The following RAD51B variants were observed in gnomAD, a reference collection of about 807,000 sequenced individuals.
RAD51B encodes the protein RAD51 paralog B, also known as DNA repair protein RAD51 homolog 2.
Under a neutral mutation model 42.2 loss-of-function variants are expected in RAD51B, and 38 were observed. That is an observed-to-expected ratio of 0.90 (90% CI 0.70 to 1.18). RAD51B has a LOEUF of 1.18. Ranked by LOEUF, RAD51B falls within the 50% of genes most tolerant of loss-of-function variation. RAD51B has a pLI of 0.00. For missense variants in RAD51B, 373 were observed against 400.7 expected (o/e 0.93, Z 0.59); for synonymous variants, 154 against 145.2 (o/e 1.06, Z -0.43).
rs1020938152 is a variant in RAD51B at position 68,096,835 on chromosome 14, G to A, written c.757-195049G>A. On this transcript the variant is annotated intron_variant, in intron 7 of 10. Transcript: ENST00000471583. ...GTGTGTGTGTGCCAGTCTTACTCCT[G>A]GCATTATTTTCTTATCTATGTTCCT... Among the ~76,000 whole-genome samples the A allele has an allele frequency of 5.3e-5, 8 of 152,000 alleles. No homozygotes were observed. In the South Asian group the frequency reaches 1.5e-3, roughly 28 times the overall value.
At chr14:68,393,381 G>A (rs2083816309) in intron 8 of RAD51B, among the ~76,000 whole-genome samples, 1 of 152,138 alleles carries the variant, frequency 6.6e-6, no homozygotes, top group Admixed American at 6.5e-5. Context: ...AGTTTCAATT[G>A]GGATGTCAAA....
intron 7 of RAD51B, among the ~76,000 whole-genome samples, chr14:68,231,664 G>C (rs1458696447): frequency 2.0e-5 from 3 of 152,162 alleles, no homozygotes; most frequent in Non-Finnish European, 4.4e-5. Context: ...AGGTTTACAT[G>C]TATATATTTG....
intron 8 of RAD51B, among the ~76,000 whole-genome samples, chr14:68,315,568 C>A (rs1314073686): frequency 6.6e-6 from 1 of 152,138 alleles, no homozygotes; most frequent in East Asian, 1.9e-4. Context: ...ATCACCCAGG[C>A]TGGAGTGCAG....
At chr14:68,216,011 C>T (rs554666543) in intron 7 of RAD51B, among the ~76,000 whole-genome samples, 1 of 152,202 alleles carries the variant, frequency 6.6e-6, no homozygotes, top group East Asian at 1.9e-4. Context: ...GGGTTTATGC[C>T]AGGTACACCT....
At chr14:67,925,280 T>C (rs1390384468) in intron 7 of RAD51B, among the ~76,000 whole-genome samples, 1 of 124,086 alleles carries the variant, frequency 8.1e-6, no homozygotes, top group African/African-American at 4.9e-5. Flanking sequence ...ACCATTCTTC[T>C]TTTTTTTTTG....
chr14:67,896,689 A>G (rs1428753116), intron 7 of RAD51B, among the ~76,000 whole-genome samples: 1 of 152,218 alleles, frequency 6.6e-6, no homozygotes, highest in Non-Finnish European at 1.5e-5. Context: ...GTTTGGTCAA[A>G]GGATATTTTC....
intron 8 of RAD51B, among the ~76,000 whole-genome samples, chr14:68,369,461 C>T (rs2083207994): frequency 6.6e-6 from 1 of 152,190 alleles, no homozygotes; most frequent in African/African-American, 2.4e-5. Context: ...GCTGTGTCCT[C>T]TAAGGTTCTT....
intron 1 of RAD51B, among the ~76,000 whole-genome samples, chr14:67,823,236 T>C (rs1201000726): frequency 6.6e-6 from 1 of 152,232 alleles, no homozygotes; most frequent in African/African-American, 2.4e-5. Context: ...TAAGATGCTC[T>C]ACAAATGTGA....
chr14:68,008,623 A>G (rs575314520), intron 7 of RAD51B, among the ~76,000 whole-genome samples: 1 of 152,178 alleles, frequency 6.6e-6, no homozygotes, highest in Non-Finnish European at 1.5e-5. Flanking sequence ...ATGGATTATT[A>G]TGGTGCAGTG....
intron 7 of RAD51B, among the ~76,000 whole-genome samples, chr14:68,275,629 GT>G (rs1316735730): frequency 1.3e-5 from 2 of 152,030 alleles, no homozygotes; most frequent in African/African-American, 4.8e-5. Context: ...TTTGGTTGCT[GT>G]TTTGTTTTAG....
chr14:68,470,525 GGAAAAT>G, intron 10 of RAD51B: 2 of 492,176 alleles, frequency 4.1e-6, no homozygotes, highest in South Asian at 3.1e-5. Context: ...TTTGTCAGCT[GGAAAAT>G]GAAAACATTA....
intron 10 of RAD51B, among the ~76,000 whole-genome samples, chr14:68,518,651 T>A (rs977433345): frequency 6.7e-6 from 1 of 149,284 alleles, no homozygotes; most frequent in African/African-American, 2.5e-5. Context: ...CAGGTTAATG[T>A]GACTTGACCA....
chr14:68,003,978 A>G (rs1213081313), intron 7 of RAD51B, among the ~76,000 whole-genome samples: 1 of 152,066 alleles, frequency 6.6e-6, no homozygotes, highest in Admixed American at 6.6e-5. Flanking sequence ...TTATCCCATT[A>G]ATGTGGTAGA....
intron 11 of RAD51B, among the ~76,000 whole-genome samples, chr14:68,680,667 A>G (rs1215235721): frequency 6.6e-5 from 10 of 152,064 alleles, no homozygotes; most frequent in Admixed American, 6.5e-4. Context: ...GTTAGTCCTG[A>G]TCCACGCAAA....
At chr14:68,496,173 G>A (rs181062528) in intron 10 of RAD51B, among the ~76,000 whole-genome samples, 2 of 152,242 alleles carry the variant, frequency 1.3e-5, no homozygotes, top group African/African-American at 2.4e-5. Flanking sequence ...TGTATTCATC[G>A]GTAAAAGGGG....
chr14:68,145,521 A>C (rs2078230863), intron 7 of RAD51B, among the ~76,000 whole-genome samples: 1 of 152,236 alleles, frequency 6.6e-6, no homozygotes, highest in South Asian at 2.1e-4. Flanking sequence ...ATGTTTAATA[A>C]GTTATTATAA....
chr14:68,597,376 C>T (rs1891042730), downstream of RAD51B, among the ~76,000 whole-genome samples: 1 of 152,114 alleles, frequency 6.6e-6, no homozygotes, highest in African/African-American at 2.4e-5. Flanking sequence ...AAGGACCAGC[C>T]AAGGAACATT....
At chr14:68,095,367 A>G (rs1474425502) in intron 7 of RAD51B, among the ~76,000 whole-genome samples, 1 of 152,068 alleles carries the variant, frequency 6.6e-6, no homozygotes, top group Non-Finnish European at 1.5e-5. Flanking sequence ...CTTGAAGAGT[A>G]TGATGCACTC....
intron 2 of RAD51B, 92 bp downstream of exon 2, chr14:67,823,719 G>T: frequency 1.1e-6 from 1 of 928,478 alleles, no homozygotes; most frequent in Non-Finnish European, 1.6e-6. Context: ...TGAAAATGTA[G>T]GCTTACAAAA....
Sources: gnomAD v4.1 joint callset for allele counts (sites outside exome capture counted in the v4.1 genomes callset) on GRCh38, gnomAD v4.1.1 for gene constraint, MANE v1.5 for transcripts, NCBI Gene and HGNC (gene_info 2026-07-23, HGNC 2026-07-21) for gene names.